Variants in MPPED2 observed in about 807,000 individuals in gnomAD.
The protein encoded by MPPED2 is metallophosphoesterase domain containing 2.
MPPED2 carries 5 observed loss-of-function variants against 33.0 expected under a neutral mutation model. That is an observed-to-expected ratio of 0.15 (90% CI 0.08 to 0.32). The LOEUF (loss-of-function observed/expected upper bound fraction) is 0.32, where lower values mean the gene tolerates loss of function less well. Among genes scored for constraint, MPPED2 ranks in the 10% least tolerant of loss-of-function variants. The pLI, the probability that MPPED2 is intolerant of heterozygous loss-of-function variation, is 1.00. For synonymous variants in MPPED2, 136 were observed against 141.9 expected (o/e 0.96, Z 0.29); for missense variants, 275 against 372.1 (o/e 0.74, Z 2.15).
intron 4 of MPPED2, among the ~76,000 whole-genome samples, chr11:30,494,356 C>G (rs1022555843): frequency 6.6e-6 from 1 of 152,120 alleles, no homozygotes; most frequent in African/African-American, 2.4e-5. Context: ...CAGACATACA[C>G]CCAGCCCCAG....
chr11:30,492,878 T>C (rs569625552), intron 4 of MPPED2, among the ~76,000 whole-genome samples: 1 of 152,294 alleles, frequency 6.6e-6, no homozygotes, highest in African/African-American at 2.4e-5. Flanking sequence ...TACTTAACTT[T>C]TCTGCACCTG....
intron 5 of MPPED2, among the ~76,000 whole-genome samples, chr11:30,416,797 G>A (rs117407988): frequency 0.026 from 4,002 of 152,290 alleles, 95 homozygotes; most frequent in Admixed American, 0.063. Flanking sequence ...GGATCAGGGC[G>A]GTAGTCCTTG....
At chr11:30,524,521 A>T (rs915458773) in intron 3 of MPPED2, among the ~76,000 whole-genome samples, 1 of 152,246 alleles carries the variant, frequency 6.6e-6, no homozygotes, top group African/African-American at 2.4e-5. Flanking sequence ...ATCAGTAAAA[A>T]TGGTGATAAC....
chr11:30,563,955 G>T (rs1056978602), intron 2 of MPPED2, among the ~76,000 whole-genome samples: 2 of 152,292 alleles, frequency 1.3e-5, no homozygotes, highest in African/African-American at 4.8e-5. Flanking sequence ...ACTGTGTAAG[G>T]CTGATCTTTT....
intron 3 of MPPED2, among the ~76,000 whole-genome samples, chr11:30,512,660 C>G (rs1953286081): frequency 6.6e-6 from 1 of 152,046 alleles, no homozygotes; most frequent in African/African-American, 2.4e-5. Flanking sequence ...CACTTTAGGC[C>G]AGTAGTTCCC....
intron 3 of MPPED2, among the ~76,000 whole-genome samples, chr11:30,517,203 A>G (rs1339109964): frequency 2.0e-5 from 3 of 152,038 alleles, no homozygotes; most frequent in Non-Finnish European, 4.4e-5. Flanking sequence ...TACTCCCCAT[A>G]TATCTCCCCA....
At chr11:30,412,447 G>C (rs760396738) in intron 6 of MPPED2, among the ~76,000 whole-genome samples, 2 of 151,718 alleles carry the variant, frequency 1.3e-5, no homozygotes, top group Non-Finnish European at 2.9e-5. Flanking sequence ...ATTCTATGTT[G>C]GTATCAGGCT....
intron 4 of MPPED2, among the ~76,000 whole-genome samples, chr11:30,450,287 G>T (rs1950000703): frequency 6.6e-6 from 1 of 152,170 alleles, no homozygotes; most frequent in Non-Finnish European, 1.5e-5. Context: ...GCCCTCATGG[G>T]GTTCCAAGAG....
chr11:30,458,572 A>G (rs1343199015), intron 4 of MPPED2, among the ~76,000 whole-genome samples: 1 of 152,252 alleles, frequency 6.6e-6, no homozygotes, highest in Non-Finnish European at 1.5e-5. Flanking sequence ...AAAGAAACAG[A>G]AAGATGTCCT....
In MPPED2 at chr11:30,414,305, A is replaced by C; in HGVS notation, c.689T>G (p.Val230Gly). The C allele has an allele frequency of 6.2e-7, 1 of 1,613,846 alleles. No homozygotes were observed. Among genetic ancestry groups the C allele is most frequent in the South Asian group, 1.1e-5 (1 of 91,068 alleles). The change falls in exon 6 of 7, where the codon GTG (valine) becomes GGG (glycine). Residue 230 changes from valine (V) to glycine (G), a missense_variant. By Grantham distance (109) the Val-to-Gly change is moderately radical. Coordinates refer to ENST00000358117, the MANE Select transcript of MPPED2 (RefSeq NM_001584.3). ...RDWVPKELQR[V>G]GCVELLNTVQ... Reference sequence around the variant, plus strand: ...CGTGTTTAACAGCTCCACACAGCCCACTCTTTGAAGCTCCTTTGGAACCCA... The same window carrying C: ...CGTGTTTAACAGCTCCACACAGCCCCCTCTTTGAAGCTCCTTTGGAACCCA...
chr11:30,575,713 G>A (rs1406984051), intron 2 of MPPED2, among the ~76,000 whole-genome samples: 1 of 152,184 alleles, frequency 6.6e-6, no homozygotes, highest in Admixed American at 6.5e-5. Flanking sequence ...TGTGGAGGAA[G>A]GCCACTGTGA....
chr11:30,417,646 T>C lies in MPPED2; in HGVS notation c.537-13A>G. The C allele has an allele frequency of 2.0e-6, 3 of 1,500,914 alleles. No homozygotes were observed. Among genetic ancestry groups the C allele is most frequent in the Non-Finnish European group, 2.8e-6 (3 of 1,077,672 alleles). The allele number at this position is 1,500,914 out of a possible 1,614,324, so 93.0% of individuals were successfully genotyped here. ...AAACCACGGGGTCCTTTGGGGGAGA[T>C]AATGCACATGGTATCAGGCCAGCAG... On this transcript the variant is annotated splice_polypyrimidine_tract_variant and intron_variant, in intron 4 of 6. Coordinates refer to ENST00000358117, the MANE Select transcript of MPPED2 (RefSeq NM_001584.3).
Position 30,510,261 on chromosome 11 carries a change from G to A in MPPED2, c.311-14740C>T, listed in dbSNP as rs1166471671. Reference sequence around the variant, plus strand: ...CATCTTAAACATGAGCTTAAGCCAGGGAGTAATTTAAGATGATAGAAATTA... The same window carrying A: ...CATCTTAAACATGAGCTTAAGCCAGAGAGTAATTTAAGATGATAGAAATTA... On this transcript the variant is annotated intron_variant, in intron 3 of 6. Coordinates refer to ENST00000358117, the MANE Select transcript of MPPED2 (RefSeq NM_001584.3). 2.0e-5 allele frequency among the ~76,000 whole-genome samples: 3 copies of A among 152,020 alleles called. No homozygotes were observed. The East Asian group carries it at 5.8e-4, about 29-fold the overall frequency.
intron 2 of MPPED2, among the ~76,000 whole-genome samples, chr11:30,567,585 G>A (rs948774543): frequency 3.3e-5 from 5 of 151,942 alleles, no homozygotes; most frequent in Non-Finnish European, 7.4e-5. Flanking sequence ...TTGGCTACAC[G>A]TCTTAATCCC....
Position 30,508,641 on chromosome 11 carries a change from C to T in MPPED2, c.311-13120G>A, listed in dbSNP as rs117759216. 8.2e-3 allele frequency among the ~76,000 whole-genome samples: 1,255 copies of T among 152,336 alleles called. 13 individuals carry two copies. The highest frequency in any genetic ancestry group is 0.015 in the Non-Finnish European group (1,030 of 68,040). On this transcript the variant is annotated intron_variant, in intron 3 of 6. Coordinates refer to ENST00000358117, the MANE Select transcript of MPPED2 (RefSeq NM_001584.3). ...CCTTCCTACACTAAAGCTGGGTGAT[C>T]TCATCAAAATACAAATCTGATCATA...
At chr11:30,409,895 C>T (rs1353641492), downstream of MPPED2, among the ~76,000 whole-genome samples, 1 of 152,104 alleles carries the variant, frequency 6.6e-6, no homozygotes, top group Admixed American at 6.5e-5. Flanking sequence ...TCAACGGTTT[C>T]CCCAAACTCA....
At chr11:30,499,438 T>C (rs2134233752) in intron 3 of MPPED2, among the ~76,000 whole-genome samples, 1 of 152,324 alleles carries the variant, frequency 6.6e-6, no homozygotes, top group East Asian at 1.9e-4. Context: ...GTGCTCAAAA[T>C]GTTTCAGATT....
At chr11:30,392,480 G>T (rs1412102858) in intron 6 of MPPED2, among the ~76,000 whole-genome samples, 1 of 152,224 alleles carries the variant, frequency 6.6e-6, no homozygotes, top group African/African-American at 2.4e-5. Flanking sequence ...ATAAGCCAGG[G>T]CTTAAAATAC....
chr11:30,489,630 CCA>C (rs966845867), intron 4 of MPPED2, among the ~76,000 whole-genome samples: 8 of 152,228 alleles, frequency 5.3e-5, no homozygotes, highest in African/African-American at 1.9e-4. Context: ...GGCACTTCCT[CCA>C]CAGTTACTAA....
Sources: gnomAD v4.1 joint callset for allele counts (sites outside exome capture counted in the v4.1 genomes callset) on GRCh38, gnomAD v4.1.1 for gene constraint, MANE v1.5 for transcripts, NCBI Gene and HGNC (gene_info 2026-07-23, HGNC 2026-07-21) for gene names.